Variants in PPARGC1B observed in about 807,000 individuals in gnomAD.
PPARGC1B encodes PPARG coactivator 1 beta.
A neutral mutation model predicts 101.6 loss-of-function variants in PPARGC1B; 34 were observed. The observed-to-expected ratio is 0.33, with a 90% CI of 0.25 to 0.45. The LOEUF (loss-of-function observed/expected upper bound fraction) is 0.45, where lower values mean the gene tolerates loss of function less well. Ranked by LOEUF, PPARGC1B falls within the 20% of genes least tolerant of loss-of-function variation. PPARGC1B has a pLI of 1.00. For missense variants in PPARGC1B, 1,234 were observed against 1,317.6 expected, an observed-to-expected ratio of 0.94 and a Z score of 0.98; for synonymous variants, 548 against 539.3, an observed-to-expected ratio of 1.02 and a Z score of -0.22.
At chr5:149,761,140 A>G (rs1225523654) in intron 1 of PPARGC1B, among the ~76,000 whole-genome samples, 1 of 152,134 alleles carries the variant, frequency 6.6e-6, no homozygotes, top group Non-Finnish European at 1.5e-5. Flanking sequence ...GTGTTATTTA[A>G]CGTACATAAT....
At chr5:149,834,545 GTGTTTGGT>G in intron 5 of PPARGC1B, 121 bp from the exon 6 acceptor site, 2 of 717,696 alleles carry the variant, frequency 2.8e-6, no homozygotes. Context: ...AGTGGCAGAG[GTGTTTGGT>G]CACCTGCCCA....
At chr5:149,803,724 C>A (rs1757505557) in intron 1 of PPARGC1B, among the ~76,000 whole-genome samples, 1 of 152,206 alleles carries the variant, frequency 6.6e-6, no homozygotes, top group Non-Finnish European at 1.5e-5. Flanking sequence ...CACCCCCACC[C>A]CAGGACACAT....
intron 10 of PPARGC1B, 93 bp from the exon 11 acceptor site, chr5:149,845,650 ATGTGGGTATCGAATCAC>A (rs1205419750): frequency 8.8e-7 from 1 of 1,142,314 alleles, no homozygotes; most frequent in Non-Finnish European, 1.3e-6. Flanking sequence ...GGGCCACGTG[ATGTGGGTATCGAATCAC>A]TGTGGCAGTC....
chr5:149,735,110 G>A (rs1197348707), intron 1 of PPARGC1B, among the ~76,000 whole-genome samples: 1 of 152,190 alleles, frequency 6.6e-6, no homozygotes, highest in Non-Finnish European at 1.5e-5. Context: ...TTCACTGGGT[G>A]CATTTGCCCA....
intron 4 of PPARGC1B, among the ~76,000 whole-genome samples, chr5:149,831,914 G>T (rs1235775918): frequency 1.3e-5 from 2 of 152,192 alleles, no homozygotes; most frequent in African/African-American, 4.8e-5. Context: ...TTATTGAAGT[G>T]CAATTTACAT....
At chr5:149,819,238 T>G (rs1361586412) in intron 1 of PPARGC1B, among the ~76,000 whole-genome samples, 3 of 152,232 alleles carry the variant, frequency 2.0e-5, no homozygotes, top group African/African-American at 2.4e-5. Flanking sequence ...GGCTCCCTTC[T>G]CCCCTACTCA....
intron 1 of PPARGC1B, among the ~76,000 whole-genome samples, chr5:149,810,026 A>C (rs1246543620): frequency 6.6e-6 from 1 of 152,212 alleles, no homozygotes; most frequent in Non-Finnish European, 1.5e-5. Context: ...CAACTGTTCC[A>C]GGAGGGAGGC....
downstream of PPARGC1B, among the ~76,000 whole-genome samples, chr5:149,855,239 G>A (rs1174115742): frequency 6.6e-6 from 1 of 152,128 alleles, no homozygotes; most frequent in East Asian, 1.9e-4. Flanking sequence ...CTGAGGTGGG[G>A]GATCACTTGA....
In PPARGC1B at chr5:149,835,353, T is replaced by TG; in HGVS notation, c.1796dup (p.Cys599TrpfsTer29). 6.2e-7 allele frequency: 1 copy of TG among 1,614,140 alleles called. No homozygotes were observed. The highest frequency in any genetic ancestry group is 8.5e-7 in the Non-Finnish European group (1 of 1,179,974). On this transcript the variant is annotated frameshift_variant, in exon 7 of 12. Transcript: ENST00000309241. LOFTEE classifies it high-confidence loss of function. ...TGAGCAGACCTTGACAGTGGAGCTC[T>TG]GTGGCACAGCAGGTGAGCCAGGGGG...
chr5:149,816,015 G>A lies in PPARGC1B; in HGVS notation c.79-4418G>A, dbSNP rs139281571. 7.4e-3 allele frequency among the ~76,000 whole-genome samples: 1,128 copies of A among 152,262 alleles called. 10 individuals carry two copies. Among genetic ancestry groups the A allele is most frequent in the Non-Finnish European group, 0.011 (727 of 68,020 alleles). On this transcript the variant is annotated intron_variant, in intron 1 of 11. Transcript: ENST00000309241. Reference sequence around the variant, plus strand: ...TGTTAGTTTGTGCTTCAACCTCCCAGCTCCACTGGCAGGGCCTGTGGAAGC... The same window carrying A: ...TGTTAGTTTGTGCTTCAACCTCCCAACTCCACTGGCAGGGCCTGTGGAAGC...
At chr5:149,748,280 G>A (rs1196071990) in intron 1 of PPARGC1B, among the ~76,000 whole-genome samples, 1 of 147,568 alleles carries the variant, frequency 6.8e-6, no homozygotes, top group Non-Finnish European at 1.5e-5. Context: ...TGTGAAATGG[G>A]GTGAAGAGAT....
At chr5:149,738,595 T>C (rs984616369) in intron 1 of PPARGC1B, among the ~76,000 whole-genome samples, 2 of 150,502 alleles carry the variant, frequency 1.3e-5, no homozygotes, top group Non-Finnish European at 3.0e-5. Flanking sequence ...AAGCCTGCCC[T>C]CTCTGGAAAG....
chr5:149,836,408 C>A lies in PPARGC1B; in HGVS notation c.1953C>A (p.Ala651=). Residue 651 remains alanine, a synonymous_variant, in exon 8 of 12, where the codon GCC becomes GCA. Transcript: ENST00000309241. ...CACTCAAGGCCACCCCAGGGGCTGC[C>A]CACAAGCTGCCAAAGAAGCACCCAG... ...GLSLKATPGA[A]HKLPKKHPER... is the part of the protein sequence containing the mutation. The A allele has an allele frequency of 6.2e-7, 1 of 1,614,134 alleles. No homozygotes were observed. The highest frequency in any genetic ancestry group is 1.1e-5 in the South Asian group (1 of 91,064).
intron 1 of PPARGC1B, among the ~76,000 whole-genome samples, chr5:149,773,120 A>G (rs1356399350): frequency 2.6e-5 from 4 of 152,140 alleles, no homozygotes; most frequent in African/African-American, 9.7e-5. Flanking sequence ...TTTGGTTAAC[A>G]GTGTTGGCTG....
At chr5:149,745,405 C>A (rs1755050848) in intron 1 of PPARGC1B, among the ~76,000 whole-genome samples, 1 of 152,198 alleles carries the variant, frequency 6.6e-6, no homozygotes, top group Non-Finnish European at 1.5e-5. Flanking sequence ...CTGTCCCAGA[C>A]CTATAGAGTG....
intron 1 of PPARGC1B, among the ~76,000 whole-genome samples, chr5:149,773,077 G>C (rs1003082771): frequency 6.6e-6 from 1 of 152,178 alleles, no homozygotes; most frequent in Non-Finnish European, 1.5e-5. Flanking sequence ...ATATTGTTCT[G>C]CCCGTGTACC....
chr5:149,763,669 T>C (rs1190952152), intron 1 of PPARGC1B, among the ~76,000 whole-genome samples: 1 of 151,882 alleles, frequency 6.6e-6, no homozygotes, highest in Non-Finnish European at 1.5e-5. Context: ...TAGCTGGGAC[T>C]ATAGGTGCGT....
chr5:149,824,723 G>C (rs1487450368), intron 2 of PPARGC1B, among the ~76,000 whole-genome samples: 3 of 152,186 alleles, frequency 2.0e-5, no homozygotes, highest in Admixed American at 6.5e-5. Flanking sequence ...TTGTGGGTAG[G>C]GGGTGGGGGC....
rs1487339578 is a variant in PPARGC1B at position 149,848,992 on chromosome 5, C to T, written c.*1434C>T. The T allele has an allele frequency of 6.6e-6, 1 of 152,168 alleles. No homozygotes were observed. Among genetic ancestry groups the T allele is most frequent in the Non-Finnish European group, 1.5e-5 (1 of 68,036 alleles). 9.4% of individuals were successfully genotyped at this position (152,168 alleles called of 1,614,324 possible). ...TCAAAGCCATTTCCAGCTTAATGTT[C>T]TGTGGGTACCTTGGGGGCCATTCAT... On this transcript the variant is annotated 3_prime_UTR_variant, in exon 12 of 12. Transcript: ENST00000309241.
Sources: allele counts gnomAD v4.1 joint callset (sites outside exome capture counted in the v4.1 genomes callset), GRCh38; gene constraint gnomAD v4.1.1; transcripts MANE v1.5; gene names NCBI Gene and HGNC (gene_info 2026-07-23, HGNC 2026-07-21).